The following TPCN1 variants were observed in gnomAD, a reference collection of about 807,000 sequenced individuals.
TPCN1 encodes two pore channel protein 1.
In TPCN1, 52 loss-of-function variants were observed where a neutral mutation model predicts 108.8. The observed-to-expected ratio is 0.48, with a 90% CI of 0.38 to 0.60. The LOEUF (loss-of-function observed/expected upper bound fraction) is 0.60. TPCN1 is among the 20% of genes least tolerant of loss of function. The pLI, the probability that TPCN1 is intolerant of heterozygous loss-of-function variation, is 0.00. For synonymous variants in TPCN1, 446 were observed against 433.7 expected (o/e 1.03, Z -0.35); for missense variants, 806 against 1,072.8 (o/e 0.75, Z 3.47).
chr12:113,285,975 A>G lies in TPCN1; in HGVS notation c.1526+14A>G. 1 of 1,612,430 alleles carries G rather than the reference A, an allele frequency of 6.2e-7. No individual in the cohort carries two copies. The highest frequency in any genetic ancestry group is 8.5e-7 in the Non-Finnish European group (1 of 1,178,444). On this transcript the variant is annotated intron_variant, in intron 18 of 27. Transcript: ENST00000335509. ...CGGATGGAACTTGTGAGTGGACAGC[A>G]TGTTTCTGACCCAAAGCTGAGACTC...
At position 113,289,111 on chromosome 12, in the gene TPCN1, A is replaced by G. The variant is rs1378709786; in HGVS notation, c.1796+264A>G. Among the ~76,000 whole-genome samples, 1 of 152,218 alleles carries G rather than the reference A, an allele frequency of 6.6e-6. No individual in the cohort carries two copies. The highest frequency in any genetic ancestry group is 6.5e-5 in the Admixed American group (1 of 15,280). On this transcript the variant is annotated intron_variant, in intron 21 of 27. Transcript: ENST00000335509. This position sits in a 1 kb window ranked among gnomAD's most constrained non-coding sequence, Gnocchi z 4.1. ...GAGGGCTGGAGGCCACCCCCACAGT[A>G]GCCTGGGTCCCAAGGTCAAGTCCCA...
At position 113,267,970 on chromosome 12, in the gene TPCN1, C is replaced by A; in HGVS notation, c.528+14C>A. 2 of 1,553,566 alleles carry A rather than the reference C, an allele frequency of 1.3e-6. No homozygotes were observed. The highest frequency in any genetic ancestry group is 2.3e-5 in the East Asian group (1 of 44,254). On this transcript the variant is annotated intron_variant, in intron 5 of 27. Coordinates refer to ENST00000335509, the MANE Select transcript of TPCN1 (RefSeq NM_017901.6). ...ACCATGGTCAAGGTGATGTGTCCGC[C>A]CATCTGTCCCTCCCCTCACAGCCTT...
rs1956169031 is a variant in TPCN1, at chr12:113,288,645, CCGACCAGGGGCATGGCCCTG to C, written c.1707-111_1707-92del. On this transcript the variant is annotated intron_variant, in intron 20 of 27. Transcript: ENST00000335509. This position sits in a 1 kb window ranked among gnomAD's most constrained non-coding sequence, Gnocchi z 4.8. Reference sequence around the variant, plus strand: ...CCGCAGGCACTTTCCAGTTGGTGAACCGACCAGGGGCATGGCCCTGCAGTCAGCCCCACGGGTCCGAGGAG... The same window carrying C: ...CCGCAGGCACTTTCCAGTTGGTGAACCAGTCAGCCCCACGGGTCCGAGGAG... 1 of 1,540,566 alleles carries C rather than the reference CCGACCAGGGGCATGGCCCTG, an allele frequency of 6.5e-7. No homozygotes were observed. The highest frequency in any genetic ancestry group is 1.4e-5 in the African/African-American group (1 of 73,462).
rs573424883 is a variant in TPCN1 at position 113,284,548 on chromosome 12, T to C, written c.1343-33T>C. The C allele has an allele frequency of 6.1e-5, 99 of 1,613,282 alleles. No homozygotes were observed. Among genetic ancestry groups the C allele is most frequent in the Non-Finnish European group, 7.8e-5 (92 of 1,179,784 alleles). ...TGCAGATTTCTAAGCCCCCCTGTTA[T>C]TTCTCTGTCTTTTACGGGCCTGTGT... is the stretch of plus-strand genomic sequence containing the variant. On this transcript the variant is annotated intron_variant, in intron 15 of 27. Transcript: ENST00000335509. The surrounding 1 kb of genome is among the most constrained non-coding windows in gnomAD (Gnocchi z 4.1).
In TPCN1 at chr12:113,278,816, G is replaced by A. The variant is rs34498203; in HGVS notation, c.1278G>A (p.Thr426=). ...REHWFDELPR[T]ALLIFKGINI... ...ACTGGTTTGATGAGCTTCCCAGGAC[G>A]GCGCTCCTCATCTTCAAAGGTAAGT... Residue 426 remains threonine (T), a synonymous_variant, in exon 14 of 28, where the codon ACG becomes ACA. Coordinates refer to ENST00000335509, the MANE Select transcript of TPCN1 (RefSeq NM_017901.6). 1.1e-3 allele frequency: 1,795 copies of A among 1,613,966 alleles called. 16 individuals carry two copies. The African/African-American group carries it at 0.019, about 17-fold the overall frequency.
rs569582681 is a variant in TPCN1, at chr12:113,281,969, G to A, written c.1342+1774G>A. On this transcript the variant is annotated intron_variant, in intron 15 of 27. Coordinates refer to ENST00000335509, the MANE Select transcript of TPCN1 (RefSeq NM_017901.6). Reference sequence around the variant, plus strand: ...TCACTCTATCTCTGTCACCCAGGCTGTGGTGCAGTGGCATGATCTTGGCTC... The same window carrying A: ...TCACTCTATCTCTGTCACCCAGGCTATGGTGCAGTGGCATGATCTTGGCTC... Among the ~76,000 whole-genome samples the A allele has an allele frequency of 2.0e-3, 283 of 138,380 alleles. 2 individuals carry two copies. The highest frequency in any genetic ancestry group is 8.1e-3 in the Middle Eastern group (2 of 248). The allele number at this position is 138,380 out of a possible 152,430, so 90.8% of individuals were successfully genotyped here.
rs1162487790 is a variant in TPCN1, at chr12:113,296,194, G to A, written c.*118G>A. The A allele has an allele frequency of 1.1e-5, 16 of 1,412,554 alleles. No homozygotes were observed. Among genetic ancestry groups the A allele is most frequent in the African/African-American group, 4.3e-5 (3 of 70,574 alleles). The allele number at this position is 1,412,554 out of a possible 1,614,324, so 87.5% of individuals were successfully genotyped here. On this transcript the variant is annotated 3_prime_UTR_variant, in exon 28 of 28. Transcript: ENST00000335509. ...CGTATATGCACATATTTATATACAG[G>A]AAGAAAAAAGACAGACAAGATGGGG...
chr12:113,269,808 G>A lies in TPCN1; in HGVS notation c.711G>A (p.Leu237=). The stretch of plus-strand genomic sequence containing the variant: ...TGCCGCCCTTCATGGACATCCTCCT[G>A]CTGCTGCTGTTCTTCATGATCATCT... ...QSLPPFMDIL[L]LLLFFMIIFA... Residue 237 remains leucine (L), a synonymous_variant, in exon 7 of 28, where the codon CTG becomes CTA. Transcript: ENST00000335509. The surrounding 1 kb of genome is among the most constrained non-coding windows in gnomAD (Gnocchi z 5.0). The A allele has an allele frequency of 6.2e-7, 1 of 1,613,544 alleles. No homozygotes were observed. Among genetic ancestry groups the A allele is most frequent in the Non-Finnish European group, 8.5e-7 (1 of 1,179,830 alleles).
chr12:113,247,093 G>A (rs1474111741), intron 2 of TPCN1, among the ~76,000 whole-genome samples: 3 of 152,232 alleles, frequency 2.0e-5, no homozygotes, highest in African/African-American at 7.2e-5. Flanking sequence ...CCCAGGTAGA[G>A]GTCCTGGAGT....
chr12:113,238,848 G>A (rs1202379203), intron 2 of TPCN1, among the ~76,000 whole-genome samples: 1 of 152,090 alleles, frequency 6.6e-6, no homozygotes, highest in African/African-American at 2.4e-5. Flanking sequence ...AATACGGGTG[G>A]GAGCCAGGCG....
At position 113,272,807 on chromosome 12, in the gene TPCN1, C is replaced by G. The variant is rs541869268; in HGVS notation, c.783+115C>G. 23 of 1,040,038 alleles carry G rather than the reference C, an allele frequency of 2.2e-5. No individual in the cohort carries two copies. The highest frequency in any genetic ancestry group is 1.7e-4 in the South Asian group (13 of 78,740). The allele number at this position is 1,040,038 out of a possible 1,614,324, so 64.4% of individuals were successfully genotyped here. A position where few individuals can be genotyped will look rare whatever the true frequency, so the allele number is the denominator to read the frequency against. On this transcript the variant is annotated intron_variant, in intron 8 of 27. Coordinates refer to ENST00000335509, the MANE Select transcript of TPCN1 (RefSeq NM_017901.6). This position sits in a 1 kb window ranked among gnomAD's most constrained non-coding sequence, Gnocchi z 4.1. ...GGAAGGGGGGGCCTGCCTGGTTTCTCATCATAGCTTGTGTGTGCATTGCAC... is the reference window on the plus strand; with the variant it reads ...GGAAGGGGGGGCCTGCCTGGTTTCTGATCATAGCTTGTGTGTGCATTGCAC...
chr12:113,244,153 CAG>C, intron 2 of TPCN1: 1 of 269,082 alleles, frequency 3.7e-6, no homozygotes, highest in Non-Finnish European at 5.7e-6. Context: ...TGGCCGGAAA[CAG>C]AGTTAGAGGA....
chr12:113,239,348 C>T (rs896361458), intron 2 of TPCN1, among the ~76,000 whole-genome samples: 14 of 152,090 alleles, frequency 9.2e-5, no homozygotes, highest in Non-Finnish European at 1.3e-4. Context: ...CTGGGCAGGG[C>T]AGGGCAGGAA....
chr12:113,285,774 T>C, intron 17 of TPCN1, 115 bp from the exon 18 acceptor site: 2 of 904,494 alleles, frequency 2.2e-6, no homozygotes, highest in South Asian at 2.8e-5. Context: ...GGGCTCAGCC[T>C]GGAGGGCTTA....
chr12:113,287,980 C>T (rs1956140248), intron 19 of TPCN1, among the ~76,000 whole-genome samples, 183 bp from the exon 20 acceptor site: 1 of 152,210 alleles, frequency 6.6e-6, no homozygotes, highest in South Asian at 2.1e-4. Flanking sequence ...TCCCTTCCCT[C>T]ATGCATGAAT....
chr12:113,254,400 C>T (rs750062288), intron 2 of TPCN1, among the ~76,000 whole-genome samples: 3 of 152,212 alleles, frequency 2.0e-5, no homozygotes, highest in Non-Finnish European at 4.4e-5. Context: ...CAACATTCTA[C>T]ACGGATGTAG....
chr12:113,244,471 A>C, intron 2 of TPCN1: 1 of 985,494 alleles, frequency 1.0e-6, no homozygotes, highest in Non-Finnish European at 1.2e-6. Flanking sequence ...CAGAAAGAGA[A>C]GGCCTGAGCA....
At chr12:113,287,187 G>C (rs1956112450) in intron 19 of TPCN1, 93 bp downstream of exon 19, 3 of 1,073,844 alleles carry the variant, frequency 2.8e-6, no homozygotes, top group Non-Finnish European at 1.4e-6. Context: ...GAATGAGCCA[G>C]AAGGTTCACA....
chr12:113,287,368 C>T (rs544236949), intron 19 of TPCN1: 5 of 437,572 alleles, frequency 1.1e-5, no homozygotes, highest in East Asian at 8.0e-5. Flanking sequence ...ATTGCACCAG[C>T]GACAGGAGCC....
Sources: allele counts gnomAD v4.1 joint callset (sites outside exome capture counted in the v4.1 genomes callset), GRCh38; gene constraint gnomAD v4.1.1; non-coding constraint Gnocchi (gnomAD v3.1); transcripts MANE v1.5; gene names NCBI Gene and HGNC (gene_info 2026-07-23, HGNC 2026-07-21).